ANKRD17: variants seen among roughly 807,000 people sequenced by gnomAD.
The protein encoded by ANKRD17 is ankyrin repeat domain 17.
In ANKRD17, 19 loss-of-function variants were observed where a neutral mutation model predicts 229.7. The ratio of observed to expected loss-of-function variants is 0.08; its 90% CI spans 0.06 to 0.12. The LOEUF is 0.12. Among genes scored for constraint, ANKRD17 ranks in the 10% least tolerant of loss-of-function variants. ANKRD17 has a pLI of 1.00. For synonymous variants in ANKRD17, 1,112 were observed against 1,146.1 expected (o/e 0.97, Z 0.60); for missense variants, 2,176 against 3,176.8 (o/e 0.68, Z 7.57).
intron 1 of ANKRD17, among the ~76,000 whole-genome samples, chr4:73,210,190 T>C (rs1051422772): frequency 6.6e-6 from 1 of 151,936 alleles, no homozygotes; most frequent in Non-Finnish European, 1.5e-5. Context: ...TCCAAGTAGA[T>C]AGAAAATCCT....
intron 2 of ANKRD17, among the ~76,000 whole-genome samples, chr4:73,162,146 G>A (rs942403712): frequency 2.6e-5 from 4 of 151,956 alleles, no homozygotes; most frequent in African/African-American, 7.2e-5. Context: ...AGCGTCCTGG[G>A]TTCAAAATCT....
chr4:73,228,823 C>T (rs960251925), intron 1 of ANKRD17, among the ~76,000 whole-genome samples: 1 of 152,150 alleles, frequency 6.6e-6, no homozygotes, highest in Non-Finnish European at 1.5e-5. Flanking sequence ...GCTATAAAGG[C>T]ACATGCACAC....
chr4:73,190,752 C>G (rs1201300064), intron 1 of ANKRD17, among the ~76,000 whole-genome samples: 2 of 151,574 alleles, frequency 1.3e-5, no homozygotes, highest in Non-Finnish European at 2.9e-5. Context: ...CCAGCAATAA[C>G]CCATGAGAAA....
At chr4:73,132,265 T>C (rs1268266775) in intron 16 of ANKRD17, among the ~76,000 whole-genome samples, 2 of 152,002 alleles carry the variant, frequency 1.3e-5, no homozygotes, top group African/African-American at 4.8e-5. Context: ...TGTGTCACCA[T>C]GCCCGGCTAA....
At chr4:73,189,311 T>A (rs1262587103) in intron 1 of ANKRD17, among the ~76,000 whole-genome samples, 1 of 151,536 alleles carries the variant, frequency 6.6e-6, no homozygotes, top group Non-Finnish European at 1.5e-5. Context: ...AGAAATATAA[T>A]CCTTTCTTTT....
rs531097710 is a variant in ANKRD17, at chr4:73,143,785, G to A, written c.1957+960C>T. On this transcript the variant is annotated intron_variant, in intron 11 of 33. Coordinates refer to ENST00000358602, the MANE Select transcript of ANKRD17 (RefSeq NM_032217.5). ...AGACAGGTTCTCACTCTGTCACCCT[G>A]GCTGGAGTGCAGTGGCACAATCATA... Among the ~76,000 whole-genome samples, 9 of 152,146 alleles carry A rather than the reference G, an allele frequency of 5.9e-5. No homozygotes were observed. The East Asian group carries it at 1.4e-3, about 23-fold the overall frequency.
chr4:73,155,022 C>CA, intron 5 of ANKRD17, among the ~76,000 whole-genome samples: 2 of 135,400 alleles, frequency 1.5e-5, no homozygotes, highest in East Asian at 4.2e-4. Context: ...GCCTGGGTGA[C>CA]AGAGCGAGAC....
Position 73,097,100 on chromosome 4 carries a change from C to T in ANKRD17, c.5177+17G>A. The T allele has an allele frequency of 1.2e-6, 2 of 1,605,186 alleles. No individual in the cohort carries two copies. The highest frequency in any genetic ancestry group is 4.5e-5 in the East Asian group (2 of 44,228). On this transcript the variant is annotated intron_variant, in intron 27 of 33. Transcript: ENST00000358602. Reference sequence around the variant, plus strand: ...GATATATAGCACATAAAAAGAATGACAAAAACAATTACTCACCTTCTTACA... The same window carrying T: ...GATATATAGCACATAAAAAGAATGATAAAAACAATTACTCACCTTCTTACA...
intron 10 of ANKRD17, among the ~76,000 whole-genome samples, chr4:73,145,603 T>G (rs1560591336): frequency 6.6e-6 from 1 of 152,188 alleles, no homozygotes; most frequent in Non-Finnish European, 1.5e-5. Context: ...ATCCTAGGTT[T>G]TTCTAATTGC....
At chr4:73,183,733 G>A (rs534977856) in intron 1 of ANKRD17, among the ~76,000 whole-genome samples, 4 of 152,110 alleles carry the variant, frequency 2.6e-5, no homozygotes, top group African/African-American at 9.6e-5. Context: ...AAAAGTGCTG[G>A]GATTACAGGC....
intron 29 of ANKRD17, among the ~76,000 whole-genome samples, chr4:73,088,170 TA>T (rs1722397833): frequency 6.6e-6 from 1 of 151,916 alleles, no homozygotes; most frequent in Non-Finnish European, 1.5e-5. Context: ...AAAATACAAA[TA>T]ATCAAATTAT....
At chr4:73,097,580 G>T (rs56382488) in intron 26 of ANKRD17, among the ~76,000 whole-genome samples, 15,484 of 151,664 alleles carry the variant, frequency 0.1, 894 homozygotes, top group South Asian at 0.14. Flanking sequence ...GACCACAGGT[G>T]CATGCCATCA....
At chr4:73,160,037 AAATAG>A (rs1732291971) in intron 3 of ANKRD17, among the ~76,000 whole-genome samples, 1 of 152,112 alleles carries the variant, frequency 6.6e-6, no homozygotes. Flanking sequence ...CTCTAAACCC[AAATAG>A]AATATTCAGA....
intron 4 of ANKRD17, 43 bp from the exon 5 acceptor site, chr4:73,155,821 C>A (rs548336821): frequency 1.9e-6 from 3 of 1,598,032 alleles, no homozygotes; most frequent in Admixed American, 1.7e-5. Flanking sequence ...AGGAAATAAT[C>A]GTCAAAAAAT....
At chr4:73,120,091 A>G (rs1726521995) in intron 21 of ANKRD17, 71 bp downstream of exon 21, 2 of 1,463,212 alleles carry the variant, frequency 1.4e-6, no homozygotes. Context: ...TAAATAGTTT[A>G]ATTGCCTAGA....
chr4:73,094,273 T>G (rs780705997), intron 27 of ANKRD17, 45 bp from the exon 28 acceptor site: 1 of 1,522,578 alleles, frequency 6.6e-7, no homozygotes, highest in Non-Finnish European at 9.0e-7. Flanking sequence ...TCATTAACAA[T>G]AGTTATTGTA....
chr4:73,146,917 A>G, intron 9 of ANKRD17, 44 bp from the exon 10 acceptor site: 6 of 1,480,686 alleles, frequency 4.1e-6, no homozygotes, highest in Non-Finnish European at 5.6e-6. Context: ...TAAAGGAGCC[A>G]TAAGACATAT....
intron 1 of ANKRD17, among the ~76,000 whole-genome samples, chr4:73,256,063 A>G (rs1745428654): frequency 6.6e-6 from 1 of 152,126 alleles, no homozygotes; most frequent in South Asian, 2.1e-4. Context: ...CTCCTGACTC[A>G]TCTTCATAAA....
At chr4:73,194,759 T>C (rs1737610223) in intron 1 of ANKRD17, among the ~76,000 whole-genome samples, 1 of 152,162 alleles carries the variant, frequency 6.6e-6, no homozygotes, top group Non-Finnish European at 1.5e-5. Context: ...AACCTACTCC[T>C]TCCACCATAG....
Sources: gnomAD v4.1 joint callset for allele counts (sites outside exome capture counted in the v4.1 genomes callset) on GRCh38, gnomAD v4.1.1 for gene constraint, MANE v1.5 for transcripts, NCBI Gene and HGNC (gene_info 2026-07-23, HGNC 2026-07-21) for gene names.